Variants in NACAD observed in about 807,000 individuals in gnomAD.
The protein encoded by NACAD is NAC alpha domain containing.
NACAD carries 47 observed loss-of-function variants against 98.9 expected under a neutral mutation model. The observed-to-expected ratio is 0.48, with a 90% CI of 0.38 to 0.61. The LOEUF (loss-of-function observed/expected upper bound fraction) is 0.61. NACAD is among the 20% of genes least tolerant of loss of function. The pLI, the probability that NACAD is intolerant of heterozygous loss-of-function variation, is 0.00. For missense variants in NACAD, 1,412 were observed against 1,748.2 expected (o/e 0.81, Z 3.43); for synonymous variants, 696 against 767.2 (o/e 0.91, Z 1.53).
chr7:45,082,198 C>G lies in NACAD; in HGVS notation c.3982G>C (p.Val1328Leu). Reference sequence around the variant, plus strand: ...CTCTGGGGCCCAGAGGGAGGAGGCACTTGGCAAGGCGGCAAGATCTGCAAG... The same window carrying G: ...CTCTGGGGCCCAGAGGGAGGAGGCAGTTGGCAAGGCGGCAAGATCTGCAAG... ...LALQILPPCQ[V>L]PPPSGPQSPA... The change falls in exon 2 of 8, where the codon GTG (valine) becomes CTG (leucine). Residue 1328 changes from valine (V) to leucine (L), a missense_variant. This residue lies in a region of NACAD where 572 missense variants were observed against 639.6 expected (regional missense o/e 0.89). Transcript: ENST00000490531. The surrounding 1 kb of genome is among the most constrained non-coding windows in gnomAD (Gnocchi z 4.5). The G allele has an allele frequency of 6.5e-7, 1 of 1,532,524 alleles. No homozygotes were observed. Among genetic ancestry groups the G allele is most frequent in the Non-Finnish European group, 8.8e-7 (1 of 1,136,734 alleles). 94.9% of individuals were successfully genotyped at this position (1,532,524 alleles called of 1,614,324 possible). A position where few individuals can be genotyped will look rare whatever the true frequency, so the allele number is the denominator to read the frequency against.
Position 45,081,652 on chromosome 7 carries a change from C to G in NACAD, c.4206G>C (p.Glu1402Asp). The G allele has an allele frequency of 6.4e-7, 1 of 1,551,474 alleles. No homozygotes were observed. The highest frequency in any genetic ancestry group is 2.4e-5 in the East Asian group (1 of 40,910). Residue 1402 changes from glutamate (E) to aspartate (D), a missense_variant, in exon 4 of 8, where the codon GAG becomes GAC. Physicochemically the swap from Glu to Asp is conservative, Grantham distance 45. This residue lies in a region of NACAD where 572 missense variants were observed against 639.6 expected (regional missense o/e 0.89). Coordinates refer to ENST00000490531, the MANE Select transcript of NACAD (RefSeq NM_001146334.2). Reference sequence around the variant, plus strand: ...TCTGCTTGGCTTTGGCGATGGTCTCCTCACTGCCGCCTGCTGGGGCCTGAG... The same window carrying G: ...TCTGCTTGGCTTTGGCGATGGTCTCGTCACTGCCGCCTGCTGGGGCCTGAG... ...CPAQAPAGGS[E>D]ETIAKAKQSR... is the part of the protein sequence containing the mutation.
Position 45,088,767 on chromosome 7 carries a change from A to G in NACAD, c.67+61T>C, listed in dbSNP as rs952059124. The G allele has an allele frequency of 4.3e-6, 6 of 1,393,644 alleles. No homozygotes were observed. The highest frequency in any genetic ancestry group is 1.4e-5 in the South Asian group (1 of 70,528). 86.3% of individuals were successfully genotyped at this position (1,393,644 alleles called of 1,614,324 possible). ...GAGGGGTGAAAGGTGAGCGATGGAAAGAGAACCCGGGCTGGAGAGGGGAGA... is the reference window on the plus strand; with the variant it reads ...GAGGGGTGAAAGGTGAGCGATGGAAGGAGAACCCGGGCTGGAGAGGGGAGA... On this transcript the variant is annotated intron_variant, in intron 1 of 7. Coordinates refer to ENST00000490531, the MANE Select transcript of NACAD (RefSeq NM_001146334.2). The surrounding 1 kb of genome is among the most constrained non-coding windows in gnomAD (Gnocchi z 5.7).
Position 45,088,947 on chromosome 7 carries a change from C to G in NACAD, c.-53G>C, listed in dbSNP as rs950607346. ...CAGTCCTTCCGACCCTCCGTCAGTC[C>G]GTGCCGCCGCCCCGCCGAGCCTGCG... On this transcript the variant is annotated 5_prime_UTR_variant, in exon 1 of 8. Transcript: ENST00000490531. This position sits in a 1 kb window ranked among gnomAD's most constrained non-coding sequence, Gnocchi z 5.7. 2 of 1,270,414 alleles carry G rather than the reference C, an allele frequency of 1.6e-6. No individual in the cohort carries two copies. Among genetic ancestry groups the G allele is most frequent in the African/African-American group, 1.6e-5 (1 of 64,150 alleles). 78.7% of individuals were successfully genotyped at this position (1,270,414 alleles called of 1,614,324 possible). A position where few individuals can be genotyped will look rare whatever the true frequency, so the allele number is the denominator to read the frequency against.
At position 45,085,330 on chromosome 7, in the gene NACAD, T is replaced by C. The variant is rs1784501619; in HGVS notation, c.850A>G (p.Ser284Gly). 1.9e-6 allele frequency: 3 copies of C among 1,550,938 alleles called. No homozygotes were observed. Among genetic ancestry groups the C allele is most frequent in the Non-Finnish European group, 2.6e-6 (3 of 1,146,878 alleles). ...PSSESSLSAD[S>G]SSSWGQEGHF... is the part of the protein sequence containing the mutation. ...CCCTCCTGGCCCCAGGAGGAGCTGCTGTCTGCAGAGAGGCTGGACTCAGAG... is the reference window on the plus strand; with the variant it reads ...CCCTCCTGGCCCCAGGAGGAGCTGCCGTCTGCAGAGAGGCTGGACTCAGAG... Residue 284 changes from serine to glycine, a missense_variant, in exon 2 of 8, where the codon AGC (serine) becomes GGC (glycine). Coordinates refer to ENST00000490531, the MANE Select transcript of NACAD (RefSeq NM_001146334.2). The surrounding 1 kb of genome is among the most constrained non-coding windows in gnomAD (Gnocchi z 6.1).
At position 45,082,748 on chromosome 7, in the gene NACAD, G is replaced by A. The variant is rs1784451369; in HGVS notation, c.3432C>T (p.Ala1144=). The A allele has an allele frequency of 6.5e-7, 1 of 1,546,216 alleles. No individual in the cohort carries two copies. The highest frequency in any genetic ancestry group is 8.7e-7 in the Non-Finnish European group (1 of 1,144,744). ...GGCAGGAGTCCAGACTGGCCTCTGT[G>A]GCCACAGCTGAGGGAAGCGTGGGCT... ...TPEPTLPSAV[A]TEASLDSCPE... Residue 1144 remains alanine, a synonymous_variant, in exon 2 of 8, where the codon GCC becomes GCT. Coordinates refer to ENST00000490531, the MANE Select transcript of NACAD (RefSeq NM_001146334.2). The surrounding 1 kb of genome is among the most constrained non-coding windows in gnomAD (Gnocchi z 4.5).
chr7:45,086,838 A>T (rs1784529489), intron 1 of NACAD, among the ~76,000 whole-genome samples: 2 of 152,194 alleles, frequency 1.3e-5, no homozygotes, highest in Non-Finnish European at 2.9e-5. Context: ...AACGGAGACC[A>T]TGGAGCCCAG....
Position 45,084,463 on chromosome 7 carries a change from G to A in NACAD, c.1717C>T (p.Leu573Phe), listed in dbSNP as rs974363943. The A allele has an allele frequency of 1.3e-6, 2 of 1,551,904 alleles. No individual in the cohort carries two copies. The highest frequency in any genetic ancestry group is 2.7e-5 in the African/African-American group (2 of 73,048). ...GCTACAGGCTTTCTGCCAGAGGGGA[G>A]GTCCAGCCCTCCTTCTTCCTTCAAG... ...QNLKEEGGLD[L>F]PSGRKPVAAA... is the part of the protein sequence containing the mutation. The change falls in exon 2 of 8, where the codon CTC becomes TTC. Residue 573 changes from leucine (L) to phenylalanine (F), a missense_variant. Transcript: ENST00000490531.
Position 45,081,005 on chromosome 7 carries a change from C to T in NACAD, c.4422G>A (p.Gln1474=), listed in dbSNP as rs758957409. 6.4e-7 allele frequency: 1 copy of T among 1,551,834 alleles called. No individual in the cohort carries two copies. The highest frequency in any genetic ancestry group is 8.7e-7 in the Non-Finnish European group (1 of 1,147,050). ...FGEAKIEDLS[Q]QVHKAAAEKF... ...TCTCAGCTGCGGCTTTGTGCACTTG[C>T]TGGGACAGGTCCTCAATCTGCAAAA... Residue 1474 remains glutamine (Q), a synonymous_variant, in exon 6 of 8, where the codon CAG becomes CAA. Coordinates refer to ENST00000490531, the MANE Select transcript of NACAD (RefSeq NM_001146334.2).
Position 45,080,659 on chromosome 7 carries a change from T to C in NACAD, c.4655A>G (p.Asp1552Gly). 1 of 1,551,340 alleles carries C rather than the reference T, an allele frequency of 6.4e-7. No homozygotes were observed. The highest frequency in any genetic ancestry group is 8.7e-7 in the Non-Finnish European group (1 of 1,146,926). ...AVRALRDNHS[D>G]IVNAIMELTM is the part of the protein sequence containing the mutation. ...ACTCACCATGATGGCGTTGACGATG[T>C]CACTGTGGTTGTCTCTCAGAGCCCG... is the stretch of plus-strand genomic sequence containing the variant. The change falls in exon 7 of 8, where the codon GAC becomes GGC. Residue 1552 changes from aspartate (D) to glycine (G), a missense_variant. By Grantham distance (94) the Asp-to-Gly change is moderately conservative (BLOSUM62 -1). Around this residue, in one of 5 missense-constraint regions of NACAD, gnomAD observed 88 missense variants for 105.4 expected, o/e 0.84. Transcript: ENST00000490531.
Position 45,080,958 on chromosome 7 carries a change from G to T in NACAD, c.4469C>A (p.Pro1490His), listed in dbSNP as rs764370565. The T allele has an allele frequency of 1.8e-4, 273 of 1,551,916 alleles. No individual in the cohort carries two copies. The highest frequency in any genetic ancestry group is 2.4e-4 in the Non-Finnish European group (271 of 1,147,200). Residue 1490 changes from proline (P) to histidine (H), a missense_variant, in exon 6 of 8, where the codon CCC becomes CAC. Coordinates refer to ENST00000490531, the MANE Select transcript of NACAD (RefSeq NM_001146334.2). ...AAEKFKVPSE[P>H]SALVPESAPR... is the part of the protein sequence containing the mutation. ...TGCTGACTCAGGGACCAAGGCTGAG[G>T]GCTCTGAGGGCACCTTAAACTTCTC...
At position 45,081,191 on chromosome 7, in the gene NACAD, G is replaced by T. The variant is rs1372972472; in HGVS notation, c.4330C>A (p.Leu1444Ile). ...ACATCAGGCTTGGCGATGACAAAGAGGATGTTCTTGGACTTCTGGATGGTG... is the reference window on the plus strand; with the variant it reads ...ACATCAGGCTTGGCGATGACAAAGATGATGTTCTTGGACTTCTGGATGGTG... ...RITIQKSKNI[L>I]FVIAKPDVFK... The change falls in exon 5 of 8, where the codon CTC becomes ATC. Residue 1444 changes from leucine to isoleucine, a missense_variant. Physicochemically the swap from Leu to Ile is conservative, Grantham distance 5. Around this residue, in one of 5 missense-constraint regions of NACAD, gnomAD observed 42 missense variants for 82.5 expected, o/e 0.51. Coordinates refer to ENST00000490531, the MANE Select transcript of NACAD (RefSeq NM_001146334.2). 1 of 1,551,530 alleles carries T rather than the reference G, an allele frequency of 6.4e-7. No homozygotes were observed. Among genetic ancestry groups the T allele is most frequent in the Non-Finnish European group, 8.7e-7 (1 of 1,147,000 alleles).
chr7:45,088,210 C>T lies in NACAD; in HGVS notation c.67+618G>A, dbSNP rs1299460724. On this transcript the variant is annotated intron_variant, in intron 1 of 7. Coordinates refer to ENST00000490531, the MANE Select transcript of NACAD (RefSeq NM_001146334.2). This position sits in a 1 kb window ranked among gnomAD's most constrained non-coding sequence, Gnocchi z 5.7. Reference sequence around the variant, plus strand: ...CAGCCTCCACCAGCATTTGTTGACCCAGCCTAAGGACAGGTGGTCTGCACA... The same window carrying T: ...CAGCCTCCACCAGCATTTGTTGACCTAGCCTAAGGACAGGTGGTCTGCACA... Among the ~76,000 whole-genome samples the T allele has an allele frequency of 6.6e-6, 1 of 152,222 alleles. No homozygotes were observed. The highest frequency in any genetic ancestry group is 1.5e-5 in the Non-Finnish European group (1 of 68,030).
In NACAD at chr7:45,082,715, A is replaced by G; in HGVS notation, c.3465T>C (p.Ser1155=). The change falls in exon 2 of 8, where the codon TCT becomes TCC. Residue 1155 remains serine (S), a synonymous_variant. Transcript: ENST00000490531. The surrounding 1 kb of genome is among the most constrained non-coding windows in gnomAD (Gnocchi z 4.5). Reference sequence around the variant, plus strand: ...CCAGACTGGACACAGCCCCTACTGAAGACTCTGGGCAGGAGTCCAGACTGG... The same window carrying G: ...CCAGACTGGACACAGCCCCTACTGAGGACTCTGGGCAGGAGTCCAGACTGG... ...TEASLDSCPE[S]SVGAVSSLDR... 6.5e-7 allele frequency: 1 copy of G among 1,527,604 alleles called. No homozygotes were observed. The highest frequency in any genetic ancestry group is 8.8e-7 in the Non-Finnish European group (1 of 1,135,542). The allele number at this position is 1,527,604 out of a possible 1,614,324, so 94.6% of individuals were successfully genotyped here.
In NACAD at chr7:45,084,992, G is replaced by A. The variant is rs763401379; in HGVS notation, c.1188C>T (p.Tyr396=). Residue 396 remains tyrosine (Y), a synonymous_variant, in exon 2 of 8, where the codon TAC becomes TAT. Coordinates refer to ENST00000490531, the MANE Select transcript of NACAD (RefSeq NM_001146334.2). ...AASSDSDSAS[Y]AEADDERLYS... is the part of the protein sequence containing the mutation. ...ACAGCCTCTCATCATCTGCCTCTGC[G>A]TAGGAGGCTGAGTCTGAATCAGAGG... The A allele has an allele frequency of 1.1e-4, 164 of 1,551,054 alleles. 1 individual carries two copies. In the Middle Eastern group the frequency reaches 3.3e-3, roughly 32 times the overall value.
At position 45,080,899 on chromosome 7, in the gene NACAD, C is replaced by T. The variant is rs1292436913; in HGVS notation, c.4528G>A (p.Glu1510Lys). The change falls in exon 6 of 8, where the codon GAG (glutamate) becomes AAG (lysine). Residue 1510 changes from glutamate (E) to lysine (K), a missense_variant. By Grantham distance (56) the Glu-to-Lys change is moderately conservative. Coordinates refer to ENST00000490531, the MANE Select transcript of NACAD (RefSeq NM_001146334.2). The stretch of plus-strand genomic sequence containing the variant: ...ACCTCTTCCTCCTCCTCCTCTTCCT[C>T]TTCCTTGCACTCCAGCCTCACCCGG... ...RPRVRLECKE[E>K]EEEEEEEVDE... 1.3e-6 allele frequency: 2 copies of T among 1,557,536 alleles called. No homozygotes were observed. Among genetic ancestry groups the T allele is most frequent in the Non-Finnish European group, 1.7e-6 (2 of 1,150,664 alleles).
Position 45,084,766 on chromosome 7 carries a change from C to T in NACAD, c.1414G>A (p.Gly472Ser), listed in dbSNP as rs750925267. 2 of 1,551,102 alleles carry T rather than the reference C, an allele frequency of 1.3e-6. No homozygotes were observed. The highest frequency in any genetic ancestry group is 2.4e-5 in the South Asian group (2 of 84,000). Reference sequence around the variant, plus strand: ...GTGGACTCCTGGCCTAAAGCAAGGCCCTCTTCTGTTACTTCTGAGATCAAT... The same window carrying T: ...GTGGACTCCTGGCCTAAAGCAAGGCTCTCTTCTGTTACTTCTGAGATCAAT... ...QELISEVTEE[G>S]LALGQESTAT... Residue 472 changes from glycine (G) to serine (S), a missense_variant, in exon 2 of 8, where the codon GGC becomes AGC. Physicochemically the swap from Gly to Ser is moderately conservative, Grantham distance 56 (BLOSUM62 0). Transcript: ENST00000490531.
rs767701561 is a variant in NACAD at position 45,080,922 on chromosome 7, C to A, written c.4505G>T (p.Arg1502Leu). 1 of 1,554,714 alleles carries A rather than the reference C, an allele frequency of 6.4e-7. No individual in the cohort carries two copies. Among genetic ancestry groups the A allele is most frequent in the African/African-American group, 1.4e-5 (1 of 73,312 alleles). ...ALVPESAPRP[R>L]VRLECKEEEE... Reference sequence around the variant, plus strand: ...CTCTTCCTTGCACTCCAGCCTCACCCGGGGCCTGGGTGCTGACTCAGGGAC... The same window carrying A: ...CTCTTCCTTGCACTCCAGCCTCACCAGGGGCCTGGGTGCTGACTCAGGGAC... The change falls in exon 6 of 8, where the codon CGG becomes CTG. Residue 1502 changes from arginine to leucine, a missense_variant. This residue lies in a region of NACAD where 88 missense variants were observed against 105.4 expected (regional missense o/e 0.84). Coordinates refer to ENST00000490531, the MANE Select transcript of NACAD (RefSeq NM_001146334.2).
rs1784462243 is a variant in NACAD at position 45,083,236 on chromosome 7, TCTC to T, written c.2941_2943del (p.Glu981del). On this transcript the variant is annotated inframe_deletion, in exon 2 of 8. Coordinates refer to ENST00000490531, the MANE Select transcript of NACAD (RefSeq NM_001146334.2). Reference sequence around the variant, plus strand: ...GGGACTGTAGGGAGGGCTGCATTCTTCTCCTCAGGTGCTGGCCTGGGGCCTAAG... The same window carrying T: ...GGGACTGTAGGGAGGGCTGCATTCTTCTCAGGTGCTGGCCTGGGGCCTAAG... 3.9e-6 allele frequency: 6 copies of T among 1,550,856 alleles called. No homozygotes were observed. In the Admixed American group the frequency reaches 7.8e-5, roughly 20 times the overall value.
Position 45,082,252 on chromosome 7 carries a change from C to T in NACAD, c.3928G>A (p.Val1310Met), listed in dbSNP as rs1268131627. Residue 1310 changes from valine to methionine, a missense_variant, in exon 2 of 8, where the codon GTG (valine) becomes ATG (methionine). Val to Met is a conservative substitution (Grantham distance 21). Coordinates refer to ENST00000490531, the MANE Select transcript of NACAD (RefSeq NM_001146334.2). This position sits in a 1 kb window ranked among gnomAD's most constrained non-coding sequence, Gnocchi z 4.5. ...SPHSPLLSPK[V>M]ASMDAKDLAL... ...AGGTCTTTGGCATCCATGGAGGCCA[C>T]CTTGGGGCTGAGGAGTGGGGAGTGA... 4 of 1,550,124 alleles carry T rather than the reference C, an allele frequency of 2.6e-6. No individual in the cohort carries two copies. Among genetic ancestry groups the T allele is most frequent in the Non-Finnish European group, 3.5e-6 (4 of 1,146,618 alleles).
Sources: allele counts gnomAD v4.1 joint callset (sites outside exome capture counted in the v4.1 genomes callset), GRCh38; gene constraint gnomAD v4.1.1; regional missense constraint gnomAD v4.1.1; non-coding constraint Gnocchi (gnomAD v3.1); transcripts MANE v1.5; gene names NCBI Gene and HGNC (gene_info 2026-07-23, HGNC 2026-07-21).